EPS8: variants seen among roughly 807,000 people sequenced by gnomAD.
EPS8 encodes EGFR pathway substrate 8, signaling adaptor.
EPS8 carries 42 observed loss-of-function variants against 103.8 expected under a neutral mutation model. The ratio of observed to expected loss-of-function variants is 0.40; its 90% confidence interval spans 0.32 to 0.52. The LOEUF (loss-of-function observed/expected upper bound fraction) is 0.52. Ranked by LOEUF, EPS8 falls within the 20% of genes least tolerant of loss-of-function variation. The pLI is 0.40. For synonymous variants in EPS8, 344 were observed against 344.6 expected (o/e 1.00, Z 0.02); for missense variants, 969 against 1,005.1 (o/e 0.96, Z 0.49).
chr12:15,650,373 T>TG (rs1049225912), intron 14 of EPS8, among the ~76,000 whole-genome samples: 5 of 152,006 alleles, frequency 3.3e-5, no homozygotes, highest in African/African-American at 1.2e-4. Context: ...ATTAATTAAC[T>TG]GGGGGAATTC....
At position 15,721,350 on chromosome 12, in the gene EPS8, T is replaced by C. The variant is rs1450878259; in HGVS notation, c.-21-38378A>G. On this transcript the variant is annotated intron_variant, in intron 1 of 20. Transcript: ENST00000281172. This position sits in a 1 kb window ranked among gnomAD's most constrained non-coding sequence, Gnocchi z 4.4. ...TTTTTAATTGACAAATAAAACCAAA[T>C]AGATTTTTTTAACTCCAGTAGCTCA... Among the ~76,000 whole-genome samples the C allele has an allele frequency of 1.3e-5, 2 of 152,104 alleles. No homozygotes were observed. The highest frequency in any genetic ancestry group is 1.5e-5 in the Non-Finnish European group (1 of 68,004).
chr12:15,665,524 T>G, intron 8 of EPS8: 1 of 461,526 alleles, frequency 2.2e-6, no homozygotes, highest in Non-Finnish European at 3.8e-6. Context: ...AGAGACGGGG[T>G]TTCATCATAT....
chr12:15,633,880 C>A (rs778128958), intron 17 of EPS8, among the ~76,000 whole-genome samples: 1 of 152,148 alleles, frequency 6.6e-6, no homozygotes, highest in Non-Finnish European at 1.5e-5. Context: ...GAAAAAGAAT[C>A]AGCACTGACT....
chr12:15,668,219 T>C (rs1945750838), intron 6 of EPS8, among the ~76,000 whole-genome samples: 1 of 152,170 alleles, frequency 6.6e-6, no homozygotes, highest in Non-Finnish European at 1.5e-5. Flanking sequence ...ATGCCAGTTC[T>C]TTTAGAAGAA....
At chr12:15,680,933 C>T (rs1489218603) in intron 3 of EPS8, among the ~76,000 whole-genome samples, 2 of 152,020 alleles carry the variant, frequency 1.3e-5, no homozygotes, top group Non-Finnish European at 2.9e-5. Context: ...GATCAACAAA[C>T]ATTATTACAA....
chr12:15,726,635 G>C (rs1271903427), intron 1 of EPS8, among the ~76,000 whole-genome samples: 1 of 152,208 alleles, frequency 6.6e-6, no homozygotes, highest in Non-Finnish European at 1.5e-5. Flanking sequence ...TAGTGATATA[G>C]TGGGCACTCC....
intron 1 of EPS8, among the ~76,000 whole-genome samples, chr12:15,750,154 A>T (rs1268540590): frequency 1.3e-5 from 2 of 152,154 alleles, no homozygotes; most frequent in Non-Finnish European, 2.9e-5. Flanking sequence ...GTGCTCAGTG[A>T]GTGTTTGCCA....
intron 1 of EPS8, among the ~76,000 whole-genome samples, chr12:15,758,606 G>C (rs1180883117): frequency 6.6e-6 from 1 of 152,210 alleles, no homozygotes; most frequent in African/African-American, 2.4e-5. Flanking sequence ...AAGAAGGCCT[G>C]TCAGAGACAA....
intron 8 of EPS8, 29 bp downstream of exon 8, chr12:15,665,727 C>T (rs1467182109): frequency 6.2e-7 from 1 of 1,611,728 alleles, no homozygotes; most frequent in Non-Finnish European, 8.5e-7. Flanking sequence ...AGTAAGTGTT[C>T]AATAAGTATT....
chr12:15,785,144 C>A lies in EPS8; in HGVS notation c.-22+4017G>T, dbSNP rs1421266154. Among the ~76,000 whole-genome samples the A allele has an allele frequency of 6.6e-6, 1 of 152,054 alleles. No homozygotes were observed. The highest frequency in any genetic ancestry group is 1.5e-5 in the Non-Finnish European group (1 of 67,960). ...CAAATCATTTAGAAGGTCAAGGAAT[C>A]CCAAGGTGGAATGCAGATTGTAACA... On this transcript the variant is annotated intron_variant, in intron 1 of 20. Transcript: ENST00000281172. This position sits in a 1 kb window ranked among gnomAD's most constrained non-coding sequence, Gnocchi z 4.9.
rs1262173240 is a variant in EPS8, at chr12:15,731,053, GT to G, written c.-21-48082del. On this transcript the variant is annotated intron_variant, in intron 1 of 20. Transcript: ENST00000281172. This position sits in a 1 kb window ranked among gnomAD's most constrained non-coding sequence, Gnocchi z 5.1. ...TTCAGAAATGCCTCTTGTGCAAAAA[GT>G]TCAGTCAAAAATATATATCATAGTA... Among the ~76,000 whole-genome samples the G allele has an allele frequency of 6.6e-6, 1 of 152,064 alleles. No individual in the cohort carries two copies. Among genetic ancestry groups the G allele is most frequent in the Non-Finnish European group, 1.5e-5 (1 of 68,008 alleles).
intron 1 of EPS8, among the ~76,000 whole-genome samples, chr12:15,774,092 A>G (rs896956013): frequency 1.3e-5 from 2 of 152,096 alleles, no homozygotes; most frequent in East Asian, 3.8e-4. Flanking sequence ...CAATATATTC[A>G]AATACTACCT....
At position 15,725,596 on chromosome 12, in the gene EPS8, T is replaced by C. The variant is rs1440104924; in HGVS notation, c.-21-42624A>G. Among the ~76,000 whole-genome samples the C allele has an allele frequency of 6.6e-6, 1 of 152,190 alleles. No homozygotes were observed. The highest frequency in any genetic ancestry group is 6.5e-5 in the Admixed American group (1 of 15,280). On this transcript the variant is annotated intron_variant, in intron 1 of 20. Transcript: ENST00000281172. The surrounding 1 kb of genome is among the most constrained non-coding windows in gnomAD (Gnocchi z 4.5). ...CCTTATGAAAAATTCTAAAATACGG[T>C]GACACAATGGGTCTTCATCATATGG...
chr12:15,663,012 A>G (rs1005469844), intron 8 of EPS8, among the ~76,000 whole-genome samples: 3 of 152,070 alleles, frequency 2.0e-5, no homozygotes, highest in Non-Finnish European at 4.4e-5. Flanking sequence ...AAAAAAAAAA[A>G]AAAAGAAAGA....
chr12:15,773,550 A>G (rs201626768), intron 1 of EPS8, among the ~76,000 whole-genome samples: 1 of 145,432 alleles, frequency 6.9e-6, no homozygotes, highest in Non-Finnish European at 1.5e-5. Context: ...GAGATTTAAG[A>G]AAAAAAAAAA....
rs1461859807 is a variant in EPS8 at position 15,698,066 on chromosome 12, A to G, written c.-21-15094T>C. 6.6e-6 allele frequency among the ~76,000 whole-genome samples: 1 copy of G among 152,214 alleles called. No individual in the cohort carries two copies. Among genetic ancestry groups the G allele is most frequent in the African/African-American group, 2.4e-5 (1 of 41,454 alleles). On this transcript the variant is annotated intron_variant, in intron 1 of 20. Transcript: ENST00000281172. This position sits in a 1 kb window ranked among gnomAD's most constrained non-coding sequence, Gnocchi z 4.9. Reference sequence around the variant, plus strand: ...CTCTTATATCCAACTTTGAGGCAACATATGTTTTACAAAGCATGGGGACAT... The same window carrying G: ...CTCTTATATCCAACTTTGAGGCAACGTATGTTTTACAAAGCATGGGGACAT...
At chr12:15,708,506 G>A (rs1250634720) in intron 1 of EPS8, among the ~76,000 whole-genome samples, 2 of 152,162 alleles carry the variant, frequency 1.3e-5, no homozygotes, top group African/African-American at 4.8e-5. Flanking sequence ...TACAAAATAT[G>A]AATGAATATG....
At chr12:15,744,536 C>A (rs1946856644) in intron 1 of EPS8, among the ~76,000 whole-genome samples, 1 of 152,176 alleles carries the variant, frequency 6.6e-6, no homozygotes. Context: ...TTTCAAGATT[C>A]CAGGCTCTTT....
chr12:15,765,014 T>G (rs1947078731), intron 1 of EPS8, among the ~76,000 whole-genome samples: 1 of 152,246 alleles, frequency 6.6e-6, no homozygotes, highest in Non-Finnish European at 1.5e-5. Flanking sequence ...CCTTGTTTAA[T>G]GATATCTATC....
Sources: gnomAD v4.1 joint callset for allele counts (sites outside exome capture counted in the v4.1 genomes callset) on GRCh38, gnomAD v4.1.1 for gene constraint, Gnocchi (gnomAD v3.1) non-coding constraint, MANE v1.5 for transcripts, NCBI Gene and HGNC (gene_info 2026-07-23, HGNC 2026-07-21) for gene names.